Variants in CDYL2 observed in about 807,000 individuals in gnomAD.
CDYL2 encodes the protein chromodomain Y like 2.
A neutral mutation model predicts 49.4 loss-of-function variants in CDYL2; 23 were observed. The observed-to-expected ratio is 0.47, with a 90% CI of 0.34 to 0.66. The LOEUF (loss-of-function observed/expected upper bound fraction) is 0.66, where lower values mean the gene tolerates loss of function less well. Among genes scored for constraint, CDYL2 ranks in the 30% least tolerant of loss-of-function variants. The pLI is 0.01. For missense variants in CDYL2, 678 were observed against 656.4 expected (o/e 1.03, Z -0.36); for synonymous variants, 360 against 268.8 (o/e 1.34, Z -3.32).
chr16:80,792,911 G>A (rs1907655700), intron 1 of CDYL2, among the ~76,000 whole-genome samples: 3 of 152,136 alleles, frequency 2.0e-5, no homozygotes, highest in Non-Finnish European at 4.4e-5. Flanking sequence ...GGGATATAAG[G>A]GCCCAGTTCC....
At chr16:80,767,423 T>C (rs918358112) in intron 1 of CDYL2, among the ~76,000 whole-genome samples, 1 of 152,128 alleles carries the variant, frequency 6.6e-6, no homozygotes, top group African/African-American at 2.4e-5. Flanking sequence ...TTTAATGCAA[T>C]AGTGAGAATA....
chr16:80,693,041 G>T (rs1468956269), intron 1 of CDYL2, among the ~76,000 whole-genome samples: 1 of 143,742 alleles, frequency 7.0e-6, no homozygotes, highest in Admixed American at 7.4e-5. Context: ...GCATTATGCT[G>T]AATGAAGGGG....
chr16:80,743,351 TAGAG>T (rs1241418673), intron 1 of CDYL2, among the ~76,000 whole-genome samples: 2 of 152,222 alleles, frequency 1.3e-5, no homozygotes. Flanking sequence ...TTTTATAAAA[TAGAG>T]AGAATTCAAA....
At chr16:80,650,103 CA>C (rs1250481513) in intron 2 of CDYL2, among the ~76,000 whole-genome samples, 1 of 151,948 alleles carries the variant, frequency 6.6e-6, no homozygotes, top group Non-Finnish European at 1.5e-5. Flanking sequence ...GCAACCAAAG[CA>C]AAAATGGACA....
chr16:80,786,818 G>A (rs1342326569), intron 1 of CDYL2, among the ~76,000 whole-genome samples: 1 of 151,832 alleles, frequency 6.6e-6, no homozygotes, highest in African/African-American at 2.4e-5. Context: ...ACTATCACAA[G>A]ATCAGAAAAC....
intron 1 of CDYL2, among the ~76,000 whole-genome samples, chr16:80,695,949 A>G (rs1260725973): frequency 1.3e-5 from 2 of 152,234 alleles, no homozygotes; most frequent in Non-Finnish European, 2.9e-5. Context: ...CAGAACGCAT[A>G]TTCTTCTCAT....
chr16:80,653,291 T>G (rs758216417), intron 2 of CDYL2, among the ~76,000 whole-genome samples: 5 of 152,080 alleles, frequency 3.3e-5, no homozygotes, highest in Non-Finnish European at 2.9e-5. Flanking sequence ...CATGGAGATA[T>G]TCTATCTCTA....
chr16:80,626,064 C>T (rs1333350756), intron 3 of CDYL2, among the ~76,000 whole-genome samples: 1 of 151,418 alleles, frequency 6.6e-6, no homozygotes, highest in Non-Finnish European at 1.5e-5. Flanking sequence ...CTGAGGCAGG[C>T]AGATTGCCTG....
At chr16:80,717,316 T>C (rs1197957191) in intron 1 of CDYL2, among the ~76,000 whole-genome samples, 3 of 152,232 alleles carry the variant, frequency 2.0e-5, no homozygotes, top group Non-Finnish European at 4.4e-5. Context: ...TATGACGATC[T>C]TGAATTATCA....
intron 2 of CDYL2, among the ~76,000 whole-genome samples, chr16:80,641,430 C>T (rs1908080767): frequency 2.0e-5 from 3 of 152,046 alleles, no homozygotes; most frequent in Admixed American, 2.0e-4. Flanking sequence ...AAAGACTTTC[C>T]CATACAAACA....
intron 2 of CDYL2, chr16:80,671,070 C>G (rs963545241): frequency 1.1e-5 from 5 of 449,814 alleles, no homozygotes; most frequent in African/African-American, 8.0e-5. Context: ...GGAGGCTTCT[C>G]TCTCCTGCCG....
intron 1 of CDYL2, among the ~76,000 whole-genome samples, chr16:80,693,549 G>A (rs1910501337): frequency 1.3e-5 from 2 of 152,062 alleles, no homozygotes; most frequent in Non-Finnish European, 1.5e-5. Context: ...TCTTCAACAA[G>A]AAAACAGATA....
At chr16:80,720,334 A>C (rs188526845) in intron 1 of CDYL2, among the ~76,000 whole-genome samples, 100 of 152,334 alleles carry the variant, frequency 6.6e-4, no homozygotes, top group African/African-American at 2.2e-3. Context: ...AAAACTAGGC[A>C]CTGGGTTTTG....
intron 1 of CDYL2, among the ~76,000 whole-genome samples, chr16:80,757,839 T>C (rs1012860193): frequency 6.6e-6 from 1 of 152,044 alleles, no homozygotes; most frequent in Non-Finnish European, 1.5e-5. Flanking sequence ...AATTGGCCTA[T>C]TATAAATGAG....
chr16:80,763,250 G>GT (rs1906593445), intron 1 of CDYL2, among the ~76,000 whole-genome samples: 1 of 152,302 alleles, frequency 6.6e-6, no homozygotes, highest in African/African-American at 2.4e-5. Context: ...AGAACCACAA[G>GT]TAACGAGAAT....
chr16:80,772,146 A>G (rs145935420), intron 1 of CDYL2, among the ~76,000 whole-genome samples: 1 of 152,364 alleles, frequency 6.6e-6, no homozygotes, highest in East Asian at 1.9e-4. Flanking sequence ...ATGAAAAAAC[A>G]TCCTTCAAAA....
At chr16:80,721,904 A>T (rs1905010807) in intron 1 of CDYL2, among the ~76,000 whole-genome samples, 1 of 152,178 alleles carries the variant, frequency 6.6e-6, no homozygotes, top group Non-Finnish European at 1.5e-5. Flanking sequence ...CTGCAAATTC[A>T]GGGACTGTAT....
intron 1 of CDYL2, among the ~76,000 whole-genome samples, chr16:80,754,640 C>A (rs796070123): frequency 7.9e-5 from 12 of 152,258 alleles, no homozygotes; most frequent in African/African-American, 2.9e-4. Context: ...CTGTTGTAAG[C>A]CTTACTTCCC....
chr16:80,708,238 CCCA>C (rs1323995746), intron 1 of CDYL2, among the ~76,000 whole-genome samples: 2 of 152,234 alleles, frequency 1.3e-5, no homozygotes, highest in East Asian at 1.9e-4. Flanking sequence ...TGTAATAATC[CCCA>C]CGTGTCAAGG....
Sources: gnomAD v4.1 joint callset for allele counts (sites outside exome capture counted in the v4.1 genomes callset) on GRCh38, gnomAD v4.1.1 for gene constraint, MANE v1.5 for transcripts, NCBI Gene and HGNC (gene_info 2026-07-23, HGNC 2026-07-21) for gene names.